Variants in ENPP6 observed in about 807,000 individuals in gnomAD.
The protein encoded by ENPP6 is glycerophosphocholine cholinephosphodiesterase ENPP6.
In ENPP6, 32 loss-of-function variants were observed where a neutral mutation model predicts 42.0. That is an observed-to-expected ratio of 0.76 (90% CI 0.58 to 1.02). ENPP6 has a LOEUF of 1.02. Ranked by LOEUF, ENPP6 falls within the 50% of genes least tolerant of loss-of-function variation. ENPP6 has a pLI of 0.00. For missense variants in ENPP6, 552 were observed against 566.8 expected (o/e 0.97, Z 0.27); for synonymous variants, 213 against 216.0 (o/e 0.99, Z 0.12).
intron 5 of ENPP6, among the ~76,000 whole-genome samples, chr4:184,116,300 A>T (rs554291975): frequency 1.3e-5 from 2 of 152,334 alleles, no homozygotes; most frequent in Non-Finnish European, 2.9e-5. Flanking sequence ...CATGACATTC[A>T]ATGGAGTAGG....
chr4:184,142,740 G>A (rs554718421), intron 2 of ENPP6, among the ~76,000 whole-genome samples: 1 of 152,338 alleles, frequency 6.6e-6, no homozygotes, highest in Non-Finnish European at 1.5e-5. Flanking sequence ...GGGAACGTGT[G>A]CCATACCCAG....
intron 2 of ENPP6, among the ~76,000 whole-genome samples, chr4:184,134,836 G>T (rs1736706459): frequency 6.7e-6 from 1 of 150,230 alleles, no homozygotes; most frequent in Non-Finnish European, 1.5e-5. Flanking sequence ...AATGCATCTT[G>T]TATGCCTGTT....
chr4:184,177,276 C>T (rs1239705624), intron 1 of ENPP6, among the ~76,000 whole-genome samples: 1 of 152,220 alleles, frequency 6.6e-6, no homozygotes, highest in African/African-American at 2.4e-5. Context: ...TTAGGCCAAA[C>T]TTGGACCCAT....
chr4:184,113,402 A>T (rs1736246385), intron 5 of ENPP6, among the ~76,000 whole-genome samples: 2 of 152,094 alleles, frequency 1.3e-5, no homozygotes, highest in African/African-American at 2.4e-5. Context: ...GTTTCCTCTG[A>T]GGGGGCAAAA....
chr4:184,193,495 G>A (rs967731423), intron 1 of ENPP6, among the ~76,000 whole-genome samples: 4 of 152,178 alleles, frequency 2.6e-5, no homozygotes, highest in African/African-American at 9.7e-5. Flanking sequence ...CAACTGCAGG[G>A]CACAAAGTTT....
intron 6 of ENPP6, among the ~76,000 whole-genome samples, chr4:184,100,647 C>A (rs774748062): frequency 1.8e-4 from 27 of 152,322 alleles, no homozygotes; most frequent in Non-Finnish European, 3.7e-4. Context: ...GCACCCGGTT[C>A]TCCTGCAATG....
At chr4:184,211,426 A>C (rs894736695) in intron 1 of ENPP6, among the ~76,000 whole-genome samples, 25 of 152,034 alleles carry the variant, frequency 1.6e-4, no homozygotes, top group Non-Finnish European at 3.2e-4. Flanking sequence ...ATCCCACAGA[A>C]ATACAAACTA....
chr4:184,092,981 T>C (rs1268805845), intron 7 of ENPP6, among the ~76,000 whole-genome samples: 1 of 152,198 alleles, frequency 6.6e-6, no homozygotes, highest in East Asian at 1.9e-4. Flanking sequence ...GGAAAAAAGC[T>C]AAATATAGAT....
At chr4:184,129,946 T>G (rs4241788) in intron 2 of ENPP6, among the ~76,000 whole-genome samples, 103,508 of 152,038 alleles carry the variant, frequency 0.68, 35,561 homozygotes, top group African/African-American at 0.74. Context: ...TTGGTTGATT[T>G]AAGTGATTCT....
chr4:184,173,528 T>A (rs6841672), intron 1 of ENPP6, among the ~76,000 whole-genome samples: 128,753 of 152,152 alleles, frequency 0.85, 55,785 homozygotes, highest in East Asian at 1. Context: ...TTTTGCCTAC[T>A]TGTAGCTGGT....
intron 1 of ENPP6, among the ~76,000 whole-genome samples, chr4:184,161,161 T>A (rs902424617): frequency 3.9e-5 from 6 of 152,034 alleles, no homozygotes; most frequent in African/African-American, 1.4e-4. Context: ...AAAGGACTGA[T>A]GACCAGAATC....
At chr4:184,166,856 C>G (rs1457167606) in intron 1 of ENPP6, among the ~76,000 whole-genome samples, 2 of 152,250 alleles carry the variant, frequency 1.3e-5, no homozygotes, top group Non-Finnish European at 2.9e-5. Context: ...GTGCTCCCTC[C>G]TCTCCCCAGT....
chr4:184,168,446 C>T (rs1737395907), intron 1 of ENPP6, among the ~76,000 whole-genome samples: 3 of 152,308 alleles, frequency 2.0e-5, no homozygotes, highest in South Asian at 2.1e-4. Flanking sequence ...ATCCCCTTGA[C>T]GAAAAGAAAA....
chr4:184,208,978 T>C (rs540796668), intron 1 of ENPP6, among the ~76,000 whole-genome samples: 2 of 142,948 alleles, frequency 1.4e-5, no homozygotes, highest in Admixed American at 7.1e-5. Flanking sequence ...AGGAGCACAC[T>C]GACACCTCAC....
intron 1 of ENPP6, among the ~76,000 whole-genome samples, chr4:184,202,234 A>G (rs543805084): frequency 6.3e-4 from 96 of 152,292 alleles, no homozygotes; most frequent in Non-Finnish European, 1.1e-3. Context: ...AAACTTTCCC[A>G]TCTGTGCTAA....
At chr4:184,193,448 T>A (rs181645527) in intron 1 of ENPP6, among the ~76,000 whole-genome samples, 99 of 152,086 alleles carry the variant, frequency 6.5e-4, no homozygotes, top group African/African-American at 2.1e-3. Context: ...AAAGGCAGAG[T>A]TGGAGGTTGC....
chr4:184,094,752 C>G (rs978559250), intron 7 of ENPP6, among the ~76,000 whole-genome samples: 2 of 152,252 alleles, frequency 1.3e-5, no homozygotes, highest in Non-Finnish European at 2.9e-5. Context: ...CTTGCTAGCT[C>G]GCAGGCAGCT....
chr4:184,191,177 ATGT>A (rs1732708749), intron 1 of ENPP6, among the ~76,000 whole-genome samples: 1 of 152,226 alleles, frequency 6.6e-6, no homozygotes. Context: ...AGGCAGCATG[ATGT>A]TGTGGGGAGC....
chr4:184,157,335 T>C (rs1329258322), intron 1 of ENPP6, among the ~76,000 whole-genome samples: 4 of 152,238 alleles, frequency 2.6e-5, no homozygotes, highest in Admixed American at 6.5e-5. Context: ...CTTCCGTCTA[T>C]CACAGTGGTT....
Sources: allele counts gnomAD v4.1 joint callset (sites outside exome capture counted in the v4.1 genomes callset), GRCh38; gene constraint gnomAD v4.1.1; transcripts MANE v1.5; gene names NCBI Gene and HGNC (gene_info 2026-07-23, HGNC 2026-07-21).